EDAR: variants seen among roughly 807,000 people sequenced by gnomAD.
The protein encoded by EDAR is tumor necrosis factor receptor superfamily member EDAR.
Under a neutral mutation model 51.3 loss-of-function variants are expected in EDAR, and 38 were observed. That is an observed-to-expected ratio of 0.74 (90% confidence interval 0.57 to 0.97). The LOEUF (loss-of-function observed/expected upper bound fraction) is 0.97. Ranked by LOEUF, EDAR falls within the 50% of genes least tolerant of loss-of-function variation. The pLI, the probability that EDAR is intolerant of heterozygous loss-of-function variation, is 0.00. For synonymous variants in EDAR, 227 were observed against 242.1 expected, an observed-to-expected ratio of 0.94 and a Z score of 0.58; for missense variants, 528 against 595.0, an observed-to-expected ratio of 0.89 and a Z score of 1.17.
intron 1 of EDAR, among the ~76,000 whole-genome samples, chr2:108,977,256 G>C (rs1208449623): frequency 2.0e-5 from 3 of 152,040 alleles, no homozygotes; most frequent in Admixed American, 1.3e-4. Flanking sequence ...TCTCAGCTTG[G>C]CTCCTGAGAA....
At position 108,929,399 on chromosome 2, in the gene EDAR, A is replaced by G; in HGVS notation, c.175-20T>C. On this transcript the variant is annotated intron_variant, in intron 3 of 11. Coordinates refer to ENST00000258443, the MANE Select transcript of EDAR (RefSeq NM_022336.4). ...ACAGGACTGTCCAGGGAAAGAGGAC[A>G]GGGGACACAGGTGAGTGCAGCAGCC... 1.2e-6 allele frequency: 2 copies of G among 1,613,620 alleles called. No individual in the cohort carries two copies. The highest frequency in any genetic ancestry group is 1.7e-6 in the Non-Finnish European group (2 of 1,179,762).
chr2:108,979,184 C>T (rs1220938500), intron 1 of EDAR, among the ~76,000 whole-genome samples: 1 of 152,146 alleles, frequency 6.6e-6, no homozygotes, highest in Non-Finnish European at 1.5e-5. Flanking sequence ...AGTACTTGAC[C>T]CTTACTTAAG....
rs375750325 is a variant in EDAR at position 108,918,911 on chromosome 2, C to T, written c.442+4457G>A. 4.6e-5 allele frequency among the ~76,000 whole-genome samples: 7 copies of T among 152,342 alleles called. No individual in the cohort carries two copies. In the East Asian group the frequency reaches 1.4e-3, roughly 29 times the overall value. Reference sequence around the variant, plus strand: ...CAACAAGGGGTCCCAGACTGTGGCACTGGCTGTGTACCCCCAGTGGCAGAT... The same window carrying T: ...CAACAAGGGGTCCCAGACTGTGGCATTGGCTGTGTACCCCCAGTGGCAGAT... On this transcript the variant is annotated intron_variant, in intron 5 of 11. Transcript: ENST00000258443.
intron 1 of EDAR, among the ~76,000 whole-genome samples, chr2:108,946,641 G>A (rs1273281848): frequency 6.6e-6 from 1 of 152,176 alleles, no homozygotes; most frequent in Non-Finnish European, 1.5e-5. Context: ...AGAAGGCAAA[G>A]GGGAGGCAAA....
intron 11 of EDAR, among the ~76,000 whole-genome samples, chr2:108,899,684 C>A (rs10202033): frequency 0.019 from 2,949 of 152,176 alleles, 102 homozygotes; most frequent in African/African-American, 0.069. Flanking sequence ...TTCAAACTGG[C>A]AAAATAATAA....
At chr2:108,904,869 A>G (rs1696772034) in intron 11 of EDAR, among the ~76,000 whole-genome samples, 1 of 152,084 alleles carries the variant, frequency 6.6e-6, no homozygotes, top group African/African-American at 2.4e-5. Flanking sequence ...GAGTTTTTGT[A>G]TGGGAGCTGA....
intron 11 of EDAR, among the ~76,000 whole-genome samples, chr2:108,900,663 A>G (rs1696683448): frequency 6.6e-6 from 1 of 152,236 alleles, no homozygotes; most frequent in African/African-American, 2.4e-5. Flanking sequence ...TATGCTGCCT[A>G]GAAGAAACTC....
intron 5 of EDAR, among the ~76,000 whole-genome samples, chr2:108,916,687 G>A (rs1040912045): frequency 4.6e-5 from 7 of 152,140 alleles, no homozygotes; most frequent in East Asian, 3.9e-4. Context: ...TGCTTGCTCT[G>A]AGCACGTGTG....
At chr2:108,974,998 G>A (rs545821149) in intron 1 of EDAR, among the ~76,000 whole-genome samples, 4 of 152,308 alleles carry the variant, frequency 2.6e-5, no homozygotes, top group Admixed American at 6.5e-5. Context: ...CAGCCATTCT[G>A]CAAGTCCCCT....
chr2:108,930,409 T>G (rs1389770863), intron 2 of EDAR, among the ~76,000 whole-genome samples, 167 bp from the exon 3 acceptor site: 1 of 152,022 alleles, frequency 6.6e-6, no homozygotes, highest in Non-Finnish European at 1.5e-5. Context: ...CTGCTAAGTC[T>G]CCAGTGGCTC....
At chr2:108,985,945 T>C (rs1345951885) in intron 1 of EDAR, among the ~76,000 whole-genome samples, 1 of 152,160 alleles carries the variant, frequency 6.6e-6, no homozygotes, top group Non-Finnish European at 1.5e-5. Context: ...ACACTTCAGG[T>C]TGTAGGATCC....
intron 1 of EDAR, among the ~76,000 whole-genome samples, chr2:108,956,865 C>T (rs998227837): frequency 6.6e-6 from 1 of 151,926 alleles, no homozygotes. Context: ...CTCAGCACAC[C>T]GCAACCTCCA....
chr2:108,938,631 C>A (rs747935626), intron 1 of EDAR, among the ~76,000 whole-genome samples: 1 of 151,774 alleles, frequency 6.6e-6, no homozygotes, highest in African/African-American at 2.4e-5. Flanking sequence ...AGGATCTTGT[C>A]GAACTGACAA....
chr2:108,917,214 C>A (rs964088289), intron 5 of EDAR, among the ~76,000 whole-genome samples: 1 of 152,120 alleles, frequency 6.6e-6, no homozygotes, highest in East Asian at 1.9e-4. Context: ...ATAAAAGCAA[C>A]GCGCGGCTCG....
In EDAR at chr2:108,926,637, C is replaced by T. The variant is rs77843253; in HGVS notation, c.356+2561G>A. On this transcript the variant is annotated intron_variant, in intron 4 of 11. Coordinates refer to ENST00000258443, the MANE Select transcript of EDAR (RefSeq NM_022336.4). ...TGAGGAAGCGTAACCTCTCTCTCCC[C>T]CTTTCCTCCTGTTTTGGTTCCCAGG... Among the ~76,000 whole-genome samples the T allele has an allele frequency of 8.2e-3, 1,253 of 152,328 alleles. 19 individuals carry two copies. Among genetic ancestry groups the T allele is most frequent in the African/African-American group, 0.029 (1,190 of 41,568 alleles).
chr2:108,927,024 C>T (rs959544978), intron 4 of EDAR, among the ~76,000 whole-genome samples: 4 of 152,188 alleles, frequency 2.6e-5, no homozygotes, highest in African/African-American at 7.2e-5. Flanking sequence ...CTGAGAGGGG[C>T]TGGGATTCGG....
At chr2:108,956,421 T>G (rs1697927417) in intron 1 of EDAR, among the ~76,000 whole-genome samples, 1 of 152,262 alleles carries the variant, frequency 6.6e-6, no homozygotes, top group East Asian at 1.9e-4. Context: ...CTGGCATTCC[T>G]GATGCCACTC....
chr2:108,928,380 G>C (rs1318533077), intron 4 of EDAR, among the ~76,000 whole-genome samples: 1 of 152,050 alleles, frequency 6.6e-6, no homozygotes, highest in Non-Finnish European at 1.5e-5. Flanking sequence ...CAACTCCTAG[G>C]ACACTCTGAG....
chr2:108,961,912 T>C (rs2104406463), intron 1 of EDAR, among the ~76,000 whole-genome samples: 1 of 152,342 alleles, frequency 6.6e-6, no homozygotes, highest in Middle Eastern at 3.4e-3. Context: ...ACTCTCATTT[T>C]TCCAAGTTAA....
Sources: allele counts gnomAD v4.1 joint callset (sites outside exome capture counted in the v4.1 genomes callset), GRCh38; gene constraint gnomAD v4.1.1; transcripts MANE v1.5; gene names NCBI Gene and HGNC (gene_info 2026-07-23, HGNC 2026-07-21).